MYT1L: variants seen among roughly 807,000 people sequenced by gnomAD.
MYT1L encodes myelin transcription factor 1-like protein.
Under a neutral mutation model 126.7 loss-of-function variants are expected in MYT1L, and 12 were observed. That is an observed-to-expected ratio of 0.09 (90% CI 0.06 to 0.15). The LOEUF is 0.15. MYT1L is among the 10% of genes least tolerant of loss of function. The pLI is 1.00. For synonymous variants in MYT1L, 541 were observed against 604.2 expected (o/e 0.90, Z 1.53); for missense variants, 979 against 1,585.2 (o/e 0.62, Z 6.49).
At chr2:2,203,698 T>C (rs143159393) in intron 2 of MYT1L, among the ~76,000 whole-genome samples, 22,893 of 151,906 alleles carry the variant, frequency 0.15, 1,719 homozygotes, top group African/African-American at 0.18. Context: ...AGGTAATTTA[T>C]AGATTCAATG....
chr2:1,908,178 A>AC (rs2051366567), intron 13 of MYT1L, among the ~76,000 whole-genome samples: 1 of 152,242 alleles, frequency 6.6e-6, no homozygotes. Context: ...CAATCCAGAA[A>AC]CAGGGATGCT....
intron 3 of MYT1L, among the ~76,000 whole-genome samples, chr2:2,166,507 G>A (rs58093532): frequency 0.01 from 1,581 of 152,352 alleles, 24 homozygotes; most frequent in African/African-American, 0.032. Context: ...ATCCAGAGCT[G>A]TTATTCTCTG....
At chr2:2,295,828 CAG>C (rs992488137) in intron 1 of MYT1L, among the ~76,000 whole-genome samples, 3 of 136,686 alleles carry the variant, frequency 2.2e-5, no homozygotes, top group African/African-American at 8.5e-5. Context: ...AGGATGTAGA[CAG>C]AGAGAGAGGG....
In MYT1L at chr2:2,236,269, CATCCCAACCCAGCCCAGCAT is replaced by C. The variant is rs1572713919; in HGVS notation, c.-421+48115_-421+48134del. The stretch of plus-strand genomic sequence containing the variant: ...CAGTACATCCCAACCCAACCCAGTA[CATCCCAACCCAGCCCAGCAT>C]ATCCCAACCCAGCCCAGTACATCCC... On this transcript the variant is annotated intron_variant, in intron 2 of 24. Coordinates refer to ENST00000647738, the MANE Select transcript of MYT1L (RefSeq NM_001303052.2). 9.3e-5 allele frequency among the ~76,000 whole-genome samples: 13 copies of C among 139,196 alleles called. No homozygotes were observed. The East Asian group carries it at 1.4e-3, about 15-fold the overall frequency. 91.3% of individuals were successfully genotyped at this position (139,196 alleles called of 152,430 possible). A position where few individuals can be genotyped will look rare whatever the true frequency, so the allele number is the denominator to read the frequency against.
In MYT1L at chr2:1,793,969, C is replaced by T. The variant is rs111479035; in HGVS notation, c.3277-1505G>A. 0.035 allele frequency among the ~76,000 whole-genome samples: 5,355 copies of T among 152,282 alleles called. 147 individuals are homozygous for T. The highest frequency in any genetic ancestry group is 0.11 in the South Asian group (527 of 4,824). ...CTGGGTGGCCACGTGCCTGCACTCACAGCTGGTGGCAGCTGTGGCTGGGAC... is the reference window on the plus strand; with the variant it reads ...CTGGGTGGCCACGTGCCTGCACTCATAGCTGGTGGCAGCTGTGGCTGGGAC... On this transcript the variant is annotated intron_variant, in intron 23 of 24. Coordinates refer to ENST00000647738, the MANE Select transcript of MYT1L (RefSeq NM_001303052.2). The surrounding 1 kb of genome is among the most constrained non-coding windows in gnomAD (Gnocchi z 4.6).
At chr2:1,908,678 G>A (rs544436224) in intron 13 of MYT1L, among the ~76,000 whole-genome samples, 91 of 152,346 alleles carry the variant, frequency 6.0e-4, no homozygotes, top group African/African-American at 2.1e-3. Context: ...TATTGGGTGG[G>A]GGTGGTTTTC....
At chr2:2,105,383 C>T (rs577800458) in intron 3 of MYT1L, among the ~76,000 whole-genome samples, 256 of 152,316 alleles carry the variant, frequency 1.7e-3, no homozygotes, top group Middle Eastern at 3.4e-3. Flanking sequence ...GGGTATAATA[C>T]ATAAGCCCCA....
At chr2:2,068,414 T>G (rs2150207461) in intron 3 of MYT1L, among the ~76,000 whole-genome samples, 1 of 152,260 alleles carries the variant, frequency 6.6e-6, no homozygotes, top group African/African-American at 2.4e-5. Flanking sequence ...ACCCTCCCTG[T>G]CCTGACACCC....
At chr2:1,838,381 A>G (rs1239420432) in intron 21 of MYT1L, among the ~76,000 whole-genome samples, 1 of 152,100 alleles carries the variant, frequency 6.6e-6, no homozygotes, top group South Asian at 2.1e-4. Context: ...TCTGTGTTTG[A>G]GATGGATTTG....
At chr2:1,954,471 T>C (rs928245512) in intron 8 of MYT1L, among the ~76,000 whole-genome samples, 4 of 152,220 alleles carry the variant, frequency 2.6e-5, no homozygotes, top group Admixed American at 2.6e-4. Context: ...ACCAGTGCTC[T>C]ACATCAGGAA....
chr2:2,321,235 G>C (rs538994706), intron 1 of MYT1L, among the ~76,000 whole-genome samples: 1 of 152,266 alleles, frequency 6.6e-6, no homozygotes, highest in East Asian at 1.9e-4. Flanking sequence ...GATGCATTAG[G>C]GCAGGTGGGA....
intron 19 of MYT1L, among the ~76,000 whole-genome samples, chr2:1,849,404 C>T (rs184146870): frequency 7.5e-4 from 114 of 152,278 alleles, no homozygotes; most frequent in African/African-American, 2.6e-3. Context: ...TTGGACGGCG[C>T]GACTCACTCG....
At chr2:2,165,305 C>T (rs539265039) in intron 3 of MYT1L, among the ~76,000 whole-genome samples, 2 of 149,300 alleles carry the variant, frequency 1.3e-5, no homozygotes, top group Non-Finnish European at 2.9e-5. Flanking sequence ...CACACACACA[C>T]ACGTGCACAC....
intron 14 of MYT1L, among the ~76,000 whole-genome samples, chr2:1,899,143 A>G (rs1043771451): frequency 2.0e-5 from 3 of 152,230 alleles, no homozygotes; most frequent in African/African-American, 7.2e-5. Flanking sequence ...GAGATATAAT[A>G]GGCCAGGGGT....
At chr2:2,025,878 A>G (rs2065499947) in intron 4 of MYT1L, among the ~76,000 whole-genome samples, 1 of 152,262 alleles carries the variant, frequency 6.6e-6, no homozygotes, top group African/African-American at 2.4e-5. Context: ...CAATATTCAG[A>G]ACAAGATACA....
chr2:1,959,214 C>A (rs534232526), intron 8 of MYT1L, among the ~76,000 whole-genome samples: 2 of 152,196 alleles, frequency 1.3e-5, no homozygotes, highest in Admixed American at 6.5e-5. Flanking sequence ...AGAAGCCATG[C>A]GGATCTGCTC....
At chr2:2,242,345 T>C (rs765894890) in intron 2 of MYT1L, among the ~76,000 whole-genome samples, 2 of 152,196 alleles carry the variant, frequency 1.3e-5, no homozygotes, top group African/African-American at 2.4e-5. Flanking sequence ...AACAGAGTGA[T>C]GGTTAACAAC....
At chr2:2,089,331 A>G (rs775539236) in intron 3 of MYT1L, among the ~76,000 whole-genome samples, 37 of 152,212 alleles carry the variant, frequency 2.4e-4, no homozygotes, top group African/African-American at 3.9e-4. Context: ...AGGGCTTTAC[A>G]AAGTGTTTGC....
At chr2:2,172,147 G>C (rs1008801045) in intron 3 of MYT1L, among the ~76,000 whole-genome samples, 1 of 152,034 alleles carries the variant, frequency 6.6e-6, no homozygotes, top group Non-Finnish European at 1.5e-5. Context: ...CAGTCTTGTC[G>C]ACCTCCAGCC....
Sources: allele counts gnomAD v4.1 joint callset (sites outside exome capture counted in the v4.1 genomes callset), GRCh38; gene constraint gnomAD v4.1.1; non-coding constraint Gnocchi (gnomAD v3.1); transcripts MANE v1.5; gene names NCBI Gene and HGNC (gene_info 2026-07-23, HGNC 2026-07-21).